The following RCCD1 variants were observed in gnomAD, a reference collection of about 807,000 sequenced individuals.
The protein encoded by RCCD1 is RCC1 domain containing 1.
In RCCD1, 40 loss-of-function variants were observed where a neutral mutation model predicts 37.6. The ratio of observed to expected loss-of-function variants is 1.06; its 90% CI spans 0.83 to 1.39. The LOEUF (loss-of-function observed/expected upper bound fraction) is 1.39. Ranked by LOEUF, RCCD1 falls within the 40% of genes most tolerant of loss-of-function variation. RCCD1 has a pLI of 0.00. For synonymous variants in RCCD1, 263 were observed against 230.0 expected, an observed-to-expected ratio of 1.14 and a Z score of -1.30; for missense variants, 577 against 517.3, an observed-to-expected ratio of 1.12 and a Z score of -1.12.
intron 4 of RCCD1, among the ~76,000 whole-genome samples, chr15:90,959,059 T>C (rs2037262850): frequency 6.6e-6 from 1 of 151,998 alleles, no homozygotes; most frequent in South Asian, 2.1e-4. Context: ...GCCTTAAGTT[T>C]AGTGTAGAGG....
At chr15:90,958,316 C>T (rs977915905) in intron 4 of RCCD1, among the ~76,000 whole-genome samples, 2 of 152,158 alleles carry the variant, frequency 1.3e-5, no homozygotes, top group African/African-American at 4.8e-5. Flanking sequence ...CGTAGATCAC[C>T]TGGAAGCTTA....
Position 90,961,869 on chromosome 15 carries a change from A to G in RCCD1, c.*100A>G, listed in dbSNP as rs1490800720. The G allele has an allele frequency of 5.8e-6, 7 of 1,210,622 alleles. No individual in the cohort carries two copies. Among genetic ancestry groups the G allele is most frequent in the Non-Finnish European group, 8.2e-6 (7 of 853,646 alleles). 75.0% of individuals were successfully genotyped at this position (1,210,622 alleles called of 1,614,324 possible). On this transcript the variant is annotated 3_prime_UTR_variant, in exon 8 of 8. Transcript: ENST00000394258. ...AAGGGCCCCATATTTGCCCCTCCCC[A>G]TCACAGTCCTGCCCTTCACCCTCAA...
In RCCD1 at chr15:90,961,646, C is replaced by A; in HGVS notation, c.1008C>A (p.Asp336Glu). The change falls in exon 8 of 8, where the codon GAC becomes GAA. Residue 336 changes from aspartate (D) to glutamate (E), a missense_variant. Transcript: ENST00000394258. ...WGKYGQLGHE[D>E]TTSLDRPRRV... ...AATATGGACAGCTGGGCCACGAGGACACCACCAGCTTGGATCGGCCTCGCC... is the reference window on the plus strand; with the variant it reads ...AATATGGACAGCTGGGCCACGAGGAAACCACCAGCTTGGATCGGCCTCGCC... The A allele has an allele frequency of 1.2e-6, 2 of 1,613,884 alleles. No homozygotes were observed. The highest frequency in any genetic ancestry group is 1.3e-5 in the African/African-American group (1 of 75,044).
chr15:90,960,223 C>A, intron 5 of RCCD1, 105 bp from the exon 6 acceptor site: 1 of 1,215,490 alleles, frequency 8.2e-7, no homozygotes, highest in Non-Finnish European at 1.2e-6. Flanking sequence ...AGCTTTGGAG[C>A]TAGGCAGTCG....
At position 90,963,042 on chromosome 15, in the gene RCCD1, T is replaced by C. The variant is rs894618174; in HGVS notation, c.*1273T>C. 6.6e-6 allele frequency: 1 copy of C among 152,202 alleles called. No homozygotes were observed. The highest frequency in any genetic ancestry group is 6.5e-5 in the Admixed American group (1 of 15,284). 9.4% of individuals were successfully genotyped at this position (152,202 alleles called of 1,614,324 possible). ...TGGTTTAGCAAATGTTTCCCACCCA[T>C]GGGGTCTTTTTTATTGTGGTAAAAT... On this transcript the variant is annotated 3_prime_UTR_variant, in exon 8 of 8. Coordinates refer to ENST00000394258, the MANE Select transcript of RCCD1 (RefSeq NM_001017919.2).
At chr15:90,961,474 G>T in intron 7 of RCCD1, 144 bp from the exon 8 acceptor site, 1 of 946,064 alleles carries the variant, frequency 1.1e-6, no homozygotes, top group Non-Finnish European at 1.5e-6. Flanking sequence ...GATCCCCAAG[G>T]TTGCCTGGCT....
intron 4 of RCCD1, among the ~76,000 whole-genome samples, 183 bp downstream of exon 4, chr15:90,957,908 C>T (rs2037235414): frequency 6.6e-6 from 1 of 152,232 alleles, no homozygotes; most frequent in African/African-American, 2.4e-5. Context: ...ATGGCCCACT[C>T]ACGCCTGGAC....
intron 1 of RCCD1, 106 bp from the exon 2 acceptor site, chr15:90,956,506 C>T: frequency 2.5e-6 from 1 of 396,628 alleles, no homozygotes; most frequent in East Asian, 3.7e-5. Flanking sequence ...ATTTGAGCAT[C>T]TTTGTAAATC....
At chr15:90,959,514 T>C (rs933216152) in intron 4 of RCCD1, among the ~76,000 whole-genome samples, 1 of 152,218 alleles carries the variant, frequency 6.6e-6, no homozygotes, top group African/African-American at 2.4e-5. Flanking sequence ...CTCGAACTTT[T>C]GAGCTCAAGT....
Position 90,962,904 on chromosome 15 carries a change from C to T in RCCD1, c.*1135C>T, listed in dbSNP as rs146344457. 2.2e-4 allele frequency: 34 copies of T among 152,262 alleles called. 1 individual carries two copies. Among genetic ancestry groups the T allele is most frequent in the African/African-American group, 7.5e-4 (31 of 41,546 alleles). The allele number at this position is 152,262 out of a possible 1,614,324, so 9.4% of individuals were successfully genotyped here. A position where few individuals can be genotyped will look rare whatever the true frequency, so the allele number is the denominator to read the frequency against. The stretch of plus-strand genomic sequence containing the variant: ...AATTTTAATACTTAGGTGATGCTTA[C>T]TCCATGCCAGGTAAGGCTCAAAGTG... On this transcript the variant is annotated 3_prime_UTR_variant, in exon 8 of 8. Coordinates refer to ENST00000394258, the MANE Select transcript of RCCD1 (RefSeq NM_001017919.2).
Position 90,957,607 on chromosome 15 carries a change from T to G in RCCD1, c.561T>G (p.His187Gln). 6.2e-7 allele frequency: 1 copy of G among 1,614,026 alleles called. No individual in the cohort carries two copies. The highest frequency in any genetic ancestry group is 8.5e-7 in the Non-Finnish European group (1 of 1,179,992). Residue 187 changes from histidine to glutamine, a missense_variant, in exon 4 of 8, where the codon CAT becomes CAG. Coordinates refer to ENST00000394258, the MANE Select transcript of RCCD1 (RefSeq NM_001017919.2). ...GQVFSWGGGR[H>Q]GQLGHGTLEA... ...GACGACGGTCTCCCTTGCTCAGGCA[T>G]GGACAGCTGGGCCATGGGACCCTGG... is the stretch of plus-strand genomic sequence containing the variant.
chr15:90,958,957 A>C (rs34095901), intron 4 of RCCD1, among the ~76,000 whole-genome samples: 7,609 of 150,880 alleles, frequency 0.05, 286 homozygotes, highest in South Asian at 0.14. Context: ...AAAAAACAAA[A>C]AAAAAAAACC....
chr15:90,956,730 C>G lies in RCCD1; in HGVS notation c.-5C>G, dbSNP rs919906290. ...GCGGCGGCCGGCAGAGGGCGCTGCTCGGGCATGGCGGAGGAGCGGCCGGGG... is the reference window on the plus strand; with the variant it reads ...GCGGCGGCCGGCAGAGGGCGCTGCTGGGGCATGGCGGAGGAGCGGCCGGGG... On this transcript the variant is annotated 5_prime_UTR_variant, in exon 2 of 8. Coordinates refer to ENST00000394258, the MANE Select transcript of RCCD1 (RefSeq NM_001017919.2). 7.7e-7 allele frequency: 1 copy of G among 1,295,482 alleles called. No homozygotes were observed. Among genetic ancestry groups the G allele is most frequent in the Non-Finnish European group, 9.8e-7 (1 of 1,021,768 alleles). 80.2% of individuals were successfully genotyped at this position (1,295,482 alleles called of 1,614,324 possible).
chr15:90,957,070 C>T (rs2037211637), intron 2 of RCCD1, 43 bp from the exon 3 acceptor site: 6 of 1,312,752 alleles, frequency 4.6e-6, no homozygotes, highest in African/African-American at 1.5e-5. Context: ...CCCCCATCCC[C>T]GCCGCCTCCA....
intron 4 of RCCD1, among the ~76,000 whole-genome samples, chr15:90,959,294 T>TA (rs5814451): frequency 0.51 from 78,062 of 152,164 alleles, 23,665 homozygotes; most frequent in East Asian, 0.99. Flanking sequence ...AAGCACTTCA[T>TA]AAAGCAGCTA....
intron 5 of RCCD1, 38 bp from the exon 6 acceptor site, chr15:90,960,290 G>C: frequency 6.4e-7 from 1 of 1,556,224 alleles, no homozygotes; most frequent in Non-Finnish European, 8.7e-7. Flanking sequence ...TTAGCTCAGG[G>C]CTCAGTTGGT....
intron 6 of RCCD1, 90 bp from the exon 7 acceptor site, chr15:90,960,935 A>G (rs2037302359): frequency 4.2e-6 from 5 of 1,180,674 alleles, no homozygotes; most frequent in South Asian, 1.2e-5. Context: ...GGATTGTAAT[A>G]TGCTAGCTGT....
At chr15:90,958,777 T>C (rs1185824982) in intron 4 of RCCD1, among the ~76,000 whole-genome samples, 6 of 146,274 alleles carry the variant, frequency 4.1e-5, no homozygotes, top group Non-Finnish European at 6.0e-5. Flanking sequence ...ACAAAAAATA[T>C]AAAAATGAGC....
Position 90,957,664 on chromosome 15 carries a change from G to A in RCCD1, c.618G>A (p.Ala206=), listed in dbSNP as rs375710438. Residue 206 remains alanine, a synonymous_variant, in exon 4 of 8, where the codon GCG becomes GCA. Coordinates refer to ENST00000394258, the MANE Select transcript of RCCD1 (RefSeq NM_001017919.2). ...AGCTGGAGCCACGGCTGTTGGAGGC[G>A]TTGCAGGGCCTAGTCATGGCTGAGG... The part of the protein sequence containing the change: ...EAELEPRLLE[A]LQGLVMAEVA... 41 of 1,614,030 alleles carry A rather than the reference G, an allele frequency of 2.5e-5. No homozygotes were observed. The highest frequency in any genetic ancestry group is 3.4e-5 in the Non-Finnish European group (40 of 1,180,014).
Sources: allele counts gnomAD v4.1 joint callset (sites outside exome capture counted in the v4.1 genomes callset), GRCh38; gene constraint gnomAD v4.1.1; transcripts MANE v1.5; gene names NCBI Gene and HGNC (gene_info 2026-07-23, HGNC 2026-07-21).